The following ATP8A2 variants were observed in gnomAD, a reference collection of about 807,000 sequenced individuals.
The protein encoded by ATP8A2 is ATPase phospholipid transporting 8A2.
In ATP8A2, 100 loss-of-function variants were observed where a neutral mutation model predicts 165.6. That is an observed-to-expected ratio of 0.60 (90% CI 0.51 to 0.71). The LOEUF (loss-of-function observed/expected upper bound fraction) is 0.71, where lower values mean the gene tolerates loss of function less well. Ranked by LOEUF, ATP8A2 falls within the 30% of genes least tolerant of loss-of-function variation. The pLI is 0.00. For missense variants in ATP8A2, 1,227 were observed against 1,479.5 expected (o/e 0.83, Z 2.80); for synonymous variants, 543 against 548.8 (o/e 0.99, Z 0.15).
chr13:25,992,508 GT>G (rs1378888464), intron 35 of ATP8A2, among the ~76,000 whole-genome samples: 1 of 151,978 alleles, frequency 6.6e-6, no homozygotes, highest in African/African-American at 2.4e-5. Context: ...TCTGTACCAT[GT>G]TCTTTCAGCC....
intron 33 of ATP8A2, among the ~76,000 whole-genome samples, chr13:25,958,296 T>A (rs2139174719): frequency 9.4e-6 from 1 of 106,392 alleles, no homozygotes; most frequent in East Asian, 2.2e-4. Flanking sequence ...ACTTAAGGTA[T>A]AATTTAAAAA....
At chr13:25,961,688 C>A in intron 34 of ATP8A2, 25 bp downstream of exon 34, 1 of 1,554,886 alleles carries the variant, frequency 6.4e-7, no homozygotes, top group Non-Finnish European at 8.9e-7. Flanking sequence ...GAAGCGGGGA[C>A]CCTAAGTCTG....
intron 24 of ATP8A2, among the ~76,000 whole-genome samples, chr13:25,650,053 A>T (rs2041773356): frequency 6.6e-6 from 1 of 152,010 alleles, no homozygotes; most frequent in Non-Finnish European, 1.5e-5. Flanking sequence ...GAAGCTGGAT[A>T]TTTGCTTTCG....
chr13:25,577,720 G>A (rs937745493), intron 20 of ATP8A2, among the ~76,000 whole-genome samples: 12 of 152,160 alleles, frequency 7.9e-5, no homozygotes, highest in Non-Finnish European at 4.4e-5. Context: ...TTGCTTATGA[G>A]TCTTACTTAT....
At chr13:25,425,047 C>T (rs577800791) in intron 1 of ATP8A2, among the ~76,000 whole-genome samples, 138 of 152,202 alleles carry the variant, frequency 9.1e-4, no homozygotes, top group Non-Finnish European at 1.5e-3. Context: ...TCAGTGATGA[C>T]GGTGGAGATT....
chr13:25,510,802 C>A (rs1305221639), intron 2 of ATP8A2, among the ~76,000 whole-genome samples: 7 of 152,108 alleles, frequency 4.6e-5, no homozygotes, highest in Non-Finnish European at 1.5e-5. Flanking sequence ...TATGACCAGT[C>A]CTAAACTTAG....
In ATP8A2 at chr13:25,543,806, G is replaced by A. The variant is rs184634108; in HGVS notation, c.891+404G>A. Among the ~76,000 whole-genome samples, 11 of 152,134 alleles carry A rather than the reference G, an allele frequency of 7.2e-5. 1 individual carries two copies. Among genetic ancestry groups the A allele is most frequent in the Admixed American group, 2.6e-4 (4 of 15,288 alleles). On this transcript the variant is annotated intron_variant, in intron 10 of 36. Transcript: ENST00000381655. ...CTTTAAAATCAGTTATTTTTGAACC[G>A]TTTAGTTTTCATAGACCGAAGAAAA...
intron 33 of ATP8A2, among the ~76,000 whole-genome samples, chr13:25,937,362 C>CTTTCTTTCTTTCTTTTTTTT: frequency 2.6e-5 from 1 of 38,798 alleles, no homozygotes; most frequent in African/African-American, 6.8e-5. Context: ...TTCTTTCTTT[C>CTTTCTTTCTTTCTTTTTTTT]TTTTTTTTTT....
intron 15 of ATP8A2, among the ~76,000 whole-genome samples, chr13:25,562,717 A>T (rs1406653298): frequency 1.4e-5 from 1 of 73,630 alleles, no homozygotes; most frequent in Non-Finnish European, 3.2e-5. Context: ...TTTTGGGAGG[A>T]TGCCTAACCT....
At position 25,469,122 on chromosome 13, in the gene ATP8A2, G is replaced by A; in HGVS notation, c.221+1G>A. 6.2e-7 allele frequency: 1 copy of A among 1,613,790 alleles called. No homozygotes were observed. Among genetic ancestry groups the A allele is most frequent in the Middle Eastern group, 1.6e-4 (1 of 6,062 alleles). Reference sequence around the variant, plus strand: ...ACAAATTCCGCGACAACCAGATCAGGTAGGAGAAGGCGGCCGGCTCGCGCG... The same window carrying A: ...ACAAATTCCGCGACAACCAGATCAGATAGGAGAAGGCGGCCGGCTCGCGCG... On this transcript the variant is annotated splice_donor_variant, in intron 2 of 36. Transcript: ENST00000381655. LOFTEE classifies it high-confidence loss of function.
At chr13:25,503,555 C>A (rs7320238) in intron 2 of ATP8A2, among the ~76,000 whole-genome samples, 90 of 152,206 alleles carry the variant, frequency 5.9e-4, no homozygotes, top group African/African-American at 2.1e-3. Flanking sequence ...CACATGGGGC[C>A]AGGACAAGAC....
At chr13:25,827,436 A>G (rs1316868042) in intron 27 of ATP8A2, among the ~76,000 whole-genome samples, 1 of 152,188 alleles carries the variant, frequency 6.6e-6, no homozygotes, top group East Asian at 1.9e-4. Flanking sequence ...ATCCCTTGTC[A>G]TGTACACTAA....
chr13:25,581,770 G>C (rs1320933429), intron 22 of ATP8A2, 49 bp from the exon 23 acceptor site: 12 of 1,568,510 alleles, frequency 7.7e-6, no homozygotes, highest in South Asian at 1.1e-5. Flanking sequence ...TGTTAGTGCT[G>C]TTCTTAAGTA....
intron 1 of ATP8A2, among the ~76,000 whole-genome samples, chr13:25,416,920 G>T (rs1048239056): frequency 1.3e-5 from 2 of 151,868 alleles, no homozygotes; most frequent in African/African-American, 2.4e-5. Flanking sequence ...GGAACAATAA[G>T]CCAAGCCATA....
chr13:25,722,200 G>A (rs746276024), intron 25 of ATP8A2, among the ~76,000 whole-genome samples: 7 of 152,168 alleles, frequency 4.6e-5, no homozygotes, highest in Non-Finnish European at 5.9e-5. Context: ...TGTGGGAGCC[G>A]TGGCTCTGAA....
chr13:25,480,244 T>C lies in ATP8A2; in HGVS notation c.221+11123T>C, dbSNP rs1455749327. Among the ~76,000 whole-genome samples the C allele has an allele frequency of 1.3e-4, 18 of 135,396 alleles. 1 individual carries two copies. The highest frequency in any genetic ancestry group is 3.7e-4 in the African/African-American group (13 of 35,582). 88.8% of individuals were successfully genotyped at this position (135,396 alleles called of 152,430 possible). On this transcript the variant is annotated intron_variant, in intron 2 of 36. Transcript: ENST00000381655. ...CTCCTCACTTCCCAGTAGGGGCGGC[T>C]GGGCAGAGGCGCCCCTTACCTCCCG...
intron 33 of ATP8A2, among the ~76,000 whole-genome samples, chr13:25,914,759 C>CTAA (rs1954218361): frequency 6.6e-6 from 1 of 152,248 alleles, no homozygotes; most frequent in Non-Finnish European, 1.5e-5. Flanking sequence ...ACCCCAGTCT[C>CTAA]CTTAGAGGGG....
chr13:25,662,213 G>T (rs76373765), intron 24 of ATP8A2, among the ~76,000 whole-genome samples: 11 of 152,108 alleles, frequency 7.2e-5, no homozygotes, highest in African/African-American at 1.9e-4. Flanking sequence ...TATTGTAAGC[G>T]CTGTTATACA....
chr13:25,527,758 A>G (rs1473408322), intron 2 of ATP8A2, among the ~76,000 whole-genome samples: 1 of 151,996 alleles, frequency 6.6e-6, no homozygotes, highest in South Asian at 2.1e-4. Flanking sequence ...CTCCATCTTC[A>G]TGGTTCTCAG....
Sources: allele counts gnomAD v4.1 joint callset (sites outside exome capture counted in the v4.1 genomes callset), GRCh38; gene constraint gnomAD v4.1.1; transcripts MANE v1.5; gene names NCBI Gene and HGNC (gene_info 2026-07-23, HGNC 2026-07-21).